PRELID2: variants seen among roughly 807,000 people sequenced by gnomAD.
PRELID2 encodes PRELI domain containing 2.
Under a neutral mutation model 28.4 loss-of-function variants are expected in PRELID2, and 25 were observed. The observed-to-expected ratio is 0.88, with a 90% confidence interval of 0.64 to 1.23. PRELID2 has a LOEUF of 1.23. Ranked by LOEUF, PRELID2 falls within the 50% of genes most tolerant of loss-of-function variation. The probability of loss-of-function intolerance (pLI) is 0.00; values close to 1 mark genes in which losing one functional copy is unlikely to be tolerated. For missense variants in PRELID2, 201 were observed against 214.4 expected, an observed-to-expected ratio of 0.94 and a Z score of 0.39; for synonymous variants, 76 against 71.6, an observed-to-expected ratio of 1.06 and a Z score of -0.31.
intron 1 of PRELID2, among the ~76,000 whole-genome samples, chr5:145,514,318 C>CAAAA (rs55760860): frequency 1.5e-5 from 1 of 67,496 alleles, no homozygotes. Flanking sequence ...AAATGGAAAG[C>CAAAA]AAAAAAAAAA....
chr5:145,811,629 T>C (rs936748257), intron 4 of PRELID2, among the ~76,000 whole-genome samples: 9 of 152,128 alleles, frequency 5.9e-5, no homozygotes, highest in Non-Finnish European at 4.4e-5. Flanking sequence ...TACTGTGGCA[T>C]AGGACATGAG....
chr5:145,588,689 T>A (rs1356667884), intron 1 of PRELID2, among the ~76,000 whole-genome samples: 1 of 152,102 alleles, frequency 6.6e-6, no homozygotes, highest in Admixed American at 6.6e-5. Flanking sequence ...CATTTACCCT[T>A]GCTCACAATT....
intron 1 of PRELID2, among the ~76,000 whole-genome samples, chr5:145,510,699 T>A (rs1752453658): frequency 6.6e-6 from 1 of 152,212 alleles, no homozygotes; most frequent in Non-Finnish European, 1.5e-5. Context: ...TTTTATGCAT[T>A]TGCTTTTCTA....
chr5:145,508,186 T>C (rs1752427879), intron 1 of PRELID2, among the ~76,000 whole-genome samples: 2 of 152,130 alleles, frequency 1.3e-5, no homozygotes, highest in South Asian at 4.1e-4. Context: ...TATTCCATAT[T>C]TAAAATGCAC....
rs572798275 is a variant in PRELID2, at chr5:145,725,219, A to C, written n.70+39712T>G. 4.6e-5 allele frequency among the ~76,000 whole-genome samples: 7 copies of C among 152,326 alleles called. No homozygotes were observed. In the East Asian group the frequency reaches 1.4e-3, roughly 29 times the overall value. ...AGCAATTTACAGAGGAGGAAACCCC[A>C]AAAGTTATCAAACATAATAAGGTGC... On this transcript the variant is annotated intron_variant and non_coding_transcript_variant, in intron 1 of 2. Coordinates refer to the PRELID2 transcript ENST00000510259.
At chr5:145,456,334 A>G in the PRELID2 span, among the ~76,000 whole-genome samples, 1 of 152,194 alleles carries the variant, frequency 6.6e-6, no homozygotes, top group African/African-American at 2.4e-5. Context: ...TCTGCAGACT[A>G]TTTTGTGTAG....
chr5:145,425,123 G>A, the PRELID2 span, among the ~76,000 whole-genome samples: 1 of 151,444 alleles, frequency 6.6e-6, no homozygotes, highest in East Asian at 1.9e-4. Flanking sequence ...CTTCTCAAAA[G>A]AAGACATACG....
At chr5:145,436,213 A>C in the PRELID2 span, among the ~76,000 whole-genome samples, 35 of 152,060 alleles carry the variant, frequency 2.3e-4, no homozygotes, top group Non-Finnish European at 5.1e-4. Flanking sequence ...GTGTTAGTTC[A>C]CTTAGGATAA....
intron 1 of PRELID2, among the ~76,000 whole-genome samples, chr5:145,657,113 T>G (rs1754409429): frequency 6.6e-6 from 1 of 152,280 alleles, no homozygotes; most frequent in South Asian, 2.1e-4. Context: ...ATTCAAAATT[T>G]TATTACTGGA....
chr5:145,559,412 C>T (rs951267948), intron 1 of PRELID2, among the ~76,000 whole-genome samples: 6 of 151,916 alleles, frequency 3.9e-5, no homozygotes, highest in African/African-American at 1.5e-4. Flanking sequence ...TGAAAATATT[C>T]TGTTACACTA....
intron 1 of PRELID2, among the ~76,000 whole-genome samples, chr5:145,596,438 C>CG: frequency 6.6e-6 from 1 of 152,124 alleles, no homozygotes. Flanking sequence ...TTCTACTAGA[C>CG]GAAAAATCAG....
intron 1 of PRELID2, among the ~76,000 whole-genome samples, chr5:145,557,970 G>T (rs988164602): frequency 1.3e-5 from 2 of 152,150 alleles, no homozygotes; most frequent in Non-Finnish European, 1.5e-5. Context: ...AAAGTAAGAT[G>T]GGAGAAGCTT....
the PRELID2 span, among the ~76,000 whole-genome samples, chr5:145,449,747 C>T: frequency 1.4e-4 from 22 of 152,124 alleles, no homozygotes; most frequent in African/African-American, 5.3e-4. Flanking sequence ...CTGAAGGCTC[C>T]AATAGCTCCT....
At chr5:145,630,790 C>T (rs1338472476) in intron 1 of PRELID2, among the ~76,000 whole-genome samples, 3 of 152,192 alleles carry the variant, frequency 2.0e-5, no homozygotes, top group Admixed American at 6.5e-5. Context: ...AACTACTGCT[C>T]ACCTTTTAGG....
chr5:145,600,349 G>T (rs1025547235), intron 1 of PRELID2, among the ~76,000 whole-genome samples: 1 of 148,820 alleles, frequency 6.7e-6, no homozygotes, highest in African/African-American at 2.5e-5. Flanking sequence ...TAATAAGAAG[G>T]AAAATCTCTG....
chr5:145,604,583 T>C (rs1753468755), intron 1 of PRELID2, among the ~76,000 whole-genome samples: 1 of 151,902 alleles, frequency 6.6e-6, no homozygotes, highest in Admixed American at 6.6e-5. Flanking sequence ...TTATATTCCT[T>C]TAGGTATATT....
At chr5:145,823,410 T>C (rs1350725189) in intron 1 of PRELID2, among the ~76,000 whole-genome samples, 1 of 152,234 alleles carries the variant, frequency 6.6e-6, no homozygotes, top group Admixed American at 6.5e-5. Context: ...ATAATAATAC[T>C]ATTAATATTG....
At chr5:145,364,511 A>G in the PRELID2 span, among the ~76,000 whole-genome samples, 1 of 151,956 alleles carries the variant, frequency 6.6e-6, no homozygotes, top group African/African-American at 2.4e-5. Context: ...CATTTGTTTT[A>G]TCTACTCATA....
At chr5:145,315,520 T>C in the PRELID2 span, among the ~76,000 whole-genome samples, 1 of 151,756 alleles carries the variant, frequency 6.6e-6, no homozygotes, top group Non-Finnish European at 1.5e-5. Flanking sequence ...TTTACCTGGA[T>C]GTCCTAGTTT....
Sources: allele counts gnomAD v4.1 joint callset (sites outside exome capture counted in the v4.1 genomes callset), GRCh38; gene constraint gnomAD v4.1.1; transcripts MANE v1.5; gene names NCBI Gene and HGNC (gene_info 2026-07-23, HGNC 2026-07-21).